Variants in PRELID3A observed in about 807,000 individuals in gnomAD.
The protein encoded by PRELID3A is PRELI domain containing 3A, also known as PRELI domain containing protein 3A.
PRELID3A carries 27 observed loss-of-function variants against 23.0 expected under a neutral mutation model. The ratio of observed to expected loss-of-function variants is 1.17; its 90% CI spans 0.87 to 1.62. The LOEUF (loss-of-function observed/expected upper bound fraction) is 1.62, where lower values mean the gene tolerates loss of function less well. Among genes scored for constraint, PRELID3A ranks in the 40% most tolerant of loss-of-function variants. PRELID3A has a pLI of 0.00. For missense variants in PRELID3A, 231 were observed against 231.4 expected (o/e 1.00, Z 0.01); for synonymous variants, 87 against 86.4 (o/e 1.01, Z -0.04).
chr18:12,423,295 G>A (rs1403050547), intron 3 of PRELID3A, among the ~76,000 whole-genome samples: 1 of 152,206 alleles, frequency 6.6e-6, no homozygotes, highest in African/African-American at 2.4e-5. Context: ...GCCACTGAGA[G>A]TTTGTTGCAG....
intron 1 of PRELID3A, among the ~76,000 whole-genome samples, chr18:12,414,587 G>T (rs549723445): frequency 1.2e-4 from 19 of 152,288 alleles, no homozygotes; most frequent in Admixed American, 3.9e-4. Context: ...TTAGCTGGGT[G>T]TGGTGGCTCA....
rs906660983 is a variant in PRELID3A, at chr18:12,411,870, G to A, written c.32+3863G>A. Among the ~76,000 whole-genome samples the A allele has an allele frequency of 2.0e-5, 3 of 151,794 alleles. No homozygotes were observed. The East Asian group carries it at 5.8e-4, about 29-fold the overall frequency. ...CTATATTCCAGAGGTTCACTTTACC[G>A]CATCTGTGTATACGCATGTGTCATA... On this transcript the variant is annotated intron_variant, in intron 1 of 6. Coordinates refer to ENST00000440960, the MANE Select transcript of PRELID3A (RefSeq NM_001142405.2).
intron 3 of PRELID3A, 86 bp from the exon 4 acceptor site, chr18:12,426,955 C>A: frequency 2.1e-6 from 2 of 944,092 alleles, no homozygotes; most frequent in Non-Finnish European, 3.4e-6. Flanking sequence ...CCACTAAGTG[C>A]TAATTTTGGG....
intron 1 of PRELID3A, among the ~76,000 whole-genome samples, chr18:12,415,590 A>G (rs564678804): frequency 2.6e-5 from 4 of 152,090 alleles, no homozygotes; most frequent in Non-Finnish European, 5.9e-5. Context: ...TTGCTATGGA[A>G]ATTTCACAAC....
At chr18:12,429,212 C>G in intron 5 of PRELID3A, 138 bp from the exon 6 acceptor site, 2 of 689,612 alleles carry the variant, frequency 2.9e-6, no homozygotes, top group Admixed American at 4.4e-5. Context: ...GTGTGAAGAT[C>G]ACTCGGAAAG....
intron 5 of PRELID3A, among the ~76,000 whole-genome samples, chr18:12,428,368 G>A (rs1343138578): frequency 4.6e-5 from 7 of 152,138 alleles, no homozygotes; most frequent in Admixed American, 4.6e-4. Context: ...TTTCACCTGG[G>A]CCCGCCTCAC....
chr18:12,414,118 G>T (rs2029880341), intron 1 of PRELID3A, among the ~76,000 whole-genome samples: 1 of 152,044 alleles, frequency 6.6e-6, no homozygotes, highest in Non-Finnish European at 1.5e-5. Context: ...GTGAACAAGT[G>T]CCGGCGCCCC....
chr18:12,430,599 T>G (rs2030548015), intron 6 of PRELID3A, among the ~76,000 whole-genome samples: 1 of 150,590 alleles, frequency 6.6e-6, no homozygotes, highest in African/African-American at 2.4e-5. Context: ...TGTGTATATG[T>G]GTGGTGTGTG....
intron 6 of PRELID3A, among the ~76,000 whole-genome samples, chr18:12,430,777 G>A (rs1273200360): frequency 6.7e-6 from 1 of 149,264 alleles, no homozygotes; most frequent in Non-Finnish European, 1.5e-5. Context: ...GTGTGTGCAT[G>A]CGTGTATGAT....
Position 12,420,430 on chromosome 18 carries a change from CG to C in PRELID3A, c.140del (p.Gly47AlafsTer19). On this transcript the variant is annotated frameshift_variant, in exon 2 of 7. Transcript: ENST00000440960. LOFTEE classifies it high-confidence loss of function. ...TGCTACAGCGCCGCGTGGACGGCCG[CG>C]GCCGCCTGCACAGCTTGCGCCTGCT... ...DVLQRRVDGR[G>X]RLHSLRLLST... The C allele has an allele frequency of 3.8e-6, 6 of 1,587,002 alleles. No homozygotes were observed. Among genetic ancestry groups the C allele is most frequent in the Non-Finnish European group, 5.1e-6 (6 of 1,167,846 alleles).
chr18:12,412,030 C>G (rs1242323308), intron 1 of PRELID3A, among the ~76,000 whole-genome samples: 2 of 151,816 alleles, frequency 1.3e-5, no homozygotes, highest in Admixed American at 6.6e-5. Context: ...CCTGCCTCAG[C>G]CTCCAGAGTA....
chr18:12,412,613 G>A lies in PRELID3A; in HGVS notation c.32+4606G>A, dbSNP rs188965117. ...CATTTATTCTTTTTCTTATTGAAGG[G>A]CATTAAGTTTTCCTCTTATTACAAA... On this transcript the variant is annotated intron_variant, in intron 1 of 6. Coordinates refer to ENST00000440960, the MANE Select transcript of PRELID3A (RefSeq NM_001142405.2). 2.6e-5 allele frequency among the ~76,000 whole-genome samples: 4 copies of A among 152,246 alleles called. No individual in the cohort carries two copies. In the East Asian group the frequency reaches 7.7e-4, roughly 29 times the overall value.
rs151037220 is a variant in PRELID3A at position 12,411,023 on chromosome 18, T to C, written c.32+3016T>C. On this transcript the variant is annotated intron_variant, in intron 1 of 6. Coordinates refer to ENST00000440960, the MANE Select transcript of PRELID3A (RefSeq NM_001142405.2). The stretch of plus-strand genomic sequence containing the variant: ...ATTAGGCACAAACAGTTTGATCTTA[T>C]CAAGTTTTCTTCCTGTGTCCACATT... Among the ~76,000 whole-genome samples the C allele has an allele frequency of 4.3e-4, 65 of 152,208 alleles. No individual in the cohort carries two copies. In the East Asian group the frequency reaches 5.6e-3, roughly 13 times the overall value.
rs1197711584 is a variant in PRELID3A, at chr18:12,430,452, TGTG to T, written c.*34-697_*34-695del. 2.0e-5 allele frequency among the ~76,000 whole-genome samples: 3 copies of T among 146,564 alleles called. No homozygotes were observed. In the Admixed American group the frequency reaches 2.1e-4, roughly 10 times the overall value. On this transcript the variant is annotated intron_variant, in intron 6 of 6. Coordinates refer to ENST00000440960, the MANE Select transcript of PRELID3A (RefSeq NM_001142405.2). The stretch of plus-strand genomic sequence containing the variant: ...TTTGTGTGCTGTGTGTGCTGTATGT[TGTG>T]TGTGTGCTGTGTGTATATATGTGGT...
In PRELID3A at chr18:12,408,801, G is replaced by GC. The variant is rs1909812717; in HGVS notation, c.32+795dup. On this transcript the variant is annotated intron_variant, in intron 1 of 6. Coordinates refer to ENST00000440960, the MANE Select transcript of PRELID3A (RefSeq NM_001142405.2). Reference sequence around the variant, plus strand: ...GGATAATGAGAATTGCTTAATGGGTGCAAGACACCTTCCCGGGTAATGCAT... The same window carrying GC: ...GGATAATGAGAATTGCTTAATGGGTGCCAAGACACCTTCCCGGGTAATGCAT... Among the ~76,000 whole-genome samples, 3 of 152,150 alleles carry GC rather than the reference G, an allele frequency of 2.0e-5. No homozygotes were observed. In the South Asian group the frequency reaches 6.2e-4, roughly 32 times the overall value.
chr18:12,408,113 C>T, intron 1 of PRELID3A, 106 bp downstream of exon 1: 3 of 995,562 alleles, frequency 3.0e-6, no homozygotes, highest in Non-Finnish European at 3.9e-6. Context: ...GCGGGCCTCG[C>T]GGAGATCCCC....
At chr18:12,410,059 T>G (rs1472698981) in intron 1 of PRELID3A, among the ~76,000 whole-genome samples, 1 of 152,224 alleles carries the variant, frequency 6.6e-6, no homozygotes, top group Non-Finnish European at 1.5e-5. Flanking sequence ...TGAATTTGCC[T>G]TGTTGGGACA....
At chr18:12,414,998 G>A (rs116081236) in intron 1 of PRELID3A, among the ~76,000 whole-genome samples, 84 of 152,006 alleles carry the variant, frequency 5.5e-4, no homozygotes, top group African/African-American at 1.8e-3. Context: ...GTGCAATCAC[G>A]ACTTACTGCA....
intron 1 of PRELID3A, among the ~76,000 whole-genome samples, chr18:12,412,615 A>T (rs749497438): frequency 6.6e-6 from 1 of 152,216 alleles, no homozygotes; most frequent in Non-Finnish European, 1.5e-5. Flanking sequence ...ATTGAAGGGC[A>T]TTAAGTTTTC....
Sources: allele counts gnomAD v4.1 joint callset (sites outside exome capture counted in the v4.1 genomes callset), GRCh38; gene constraint gnomAD v4.1.1; transcripts MANE v1.5; gene names NCBI Gene and HGNC (gene_info 2026-07-23, HGNC 2026-07-21).